Variants in KIAA1549L observed in about 807,000 individuals in gnomAD.
The protein encoded by KIAA1549L is KIAA1549 like, also known as UPF0606 protein KIAA1549L.
In KIAA1549L, 88 loss-of-function variants were observed where a neutral mutation model predicts 160.7. The ratio of observed to expected loss-of-function variants is 0.55; its 90% CI spans 0.46 to 0.65. The LOEUF (loss-of-function observed/expected upper bound fraction) is 0.65, where lower values mean the gene tolerates loss of function less well. Ranked by LOEUF, KIAA1549L falls within the 30% of genes least tolerant of loss-of-function variation. KIAA1549L has a pLI of 0.00. For missense variants in KIAA1549L, 2,258 were observed against 2,437.5 expected (o/e 0.93, Z 1.55); for synonymous variants, 950 against 976.7 (o/e 0.97, Z 0.51).
In KIAA1549L at chr11:33,542,710, C is replaced by T; in HGVS notation, c.1147C>T (p.Pro383Ser). The T allele has an allele frequency of 6.2e-7, 1 of 1,613,994 alleles. No individual in the cohort carries two copies. The highest frequency in any genetic ancestry group is 8.5e-7 in the Non-Finnish European group (1 of 1,179,882). The change falls in exon 2 of 21, where the codon CCT becomes TCT. Residue 383 changes from proline to serine, a missense_variant. Around this residue, in one of 6 missense-constraint regions of KIAA1549L, gnomAD observed 540 missense variants for 465.7 expected, o/e 1.16. Transcript: ENST00000658780. ...GTCAATGTTGGAAGTGGCTTCAGGT[C>T]CTGCATCCACCCAGCAGATCAAAGC... ...SWSMLEVASG[P>S]ASTQQIKAGV...
chr11:33,464,668 C>T (rs1426614163), intron 1 of KIAA1549L, among the ~76,000 whole-genome samples: 1 of 152,196 alleles, frequency 6.6e-6, no homozygotes, highest in Non-Finnish European at 1.5e-5. Flanking sequence ...ATTCCCTCTC[C>T]ATACCACAGC....
intron 1 of KIAA1549L, among the ~76,000 whole-genome samples, chr11:33,381,778 T>C (rs939677649): frequency 1.3e-5 from 2 of 151,856 alleles, no homozygotes; most frequent in Non-Finnish European, 2.9e-5. Context: ...TTAGAGAGGG[T>C]GGTAGCAGAA....
At chr11:33,383,222 C>T (rs909896032) in intron 1 of KIAA1549L, among the ~76,000 whole-genome samples, 2 of 151,668 alleles carry the variant, frequency 1.3e-5, no homozygotes, top group Non-Finnish European at 2.9e-5. Flanking sequence ...GTGCACACTT[C>T]CCTTTTTATT....
At chr11:33,435,838 G>A (rs12791283) in intron 1 of KIAA1549L, among the ~76,000 whole-genome samples, 498 of 35,426 alleles carry the variant, frequency 0.014, 33 homozygotes, top group South Asian at 0.025. Context: ...ATATGTATAT[G>A]TATATGTGTG....
chr11:33,558,262 A>C (rs1854714685), intron 6 of KIAA1549L, among the ~76,000 whole-genome samples: 1 of 152,190 alleles, frequency 6.6e-6, no homozygotes. Context: ...TGTAGAAAGA[A>C]GAGTGGGCAG....
chr11:33,527,062 A>T (rs1354725426), intron 1 of KIAA1549L, among the ~76,000 whole-genome samples: 1 of 152,230 alleles, frequency 6.6e-6, no homozygotes, highest in Non-Finnish European at 1.5e-5. Context: ...AGAACTTCAG[A>T]GGATGAAGAC....
At chr11:33,493,656 C>A (rs920188719) in intron 1 of KIAA1549L, among the ~76,000 whole-genome samples, 1 of 152,174 alleles carries the variant, frequency 6.6e-6, no homozygotes, top group Non-Finnish European at 1.5e-5. Context: ...GGAGAATTGT[C>A]ATTTTAGTTG....
At chr11:33,650,641 C>T (rs905043417) in intron 17 of KIAA1549L, among the ~76,000 whole-genome samples, 2 of 152,210 alleles carry the variant, frequency 1.3e-5, no homozygotes, top group Admixed American at 1.3e-4. Flanking sequence ...TCCTACTCAA[C>T]ACGCCGTCAC....
At chr11:33,384,102 A>G (rs1471486690) in intron 1 of KIAA1549L, among the ~76,000 whole-genome samples, 1 of 152,126 alleles carries the variant, frequency 6.6e-6, no homozygotes, top group Non-Finnish European at 1.5e-5. Context: ...GTCACCTCAA[A>G]AAGTTCCCTC....
At chr11:33,523,789 AAAT>A (rs1392857378) in intron 1 of KIAA1549L, among the ~76,000 whole-genome samples, 4 of 152,226 alleles carry the variant, frequency 2.6e-5, no homozygotes, top group Admixed American at 2.0e-4. Flanking sequence ...ATGTGTTATT[AAAT>A]AATTTATTAA....
intron 1 of KIAA1549L, among the ~76,000 whole-genome samples, chr11:33,448,691 T>G (rs576088932): frequency 4.6e-5 from 7 of 152,224 alleles, no homozygotes; most frequent in Non-Finnish European, 8.8e-5. Context: ...AGTGCTTTTC[T>G]GTGACCTCTG....
intron 20 of KIAA1549L, among the ~76,000 whole-genome samples, chr11:33,664,089 A>G (rs974970682): frequency 2.0e-5 from 3 of 152,206 alleles, no homozygotes; most frequent in Admixed American, 1.3e-4. Flanking sequence ...CAAATGAAAC[A>G]TATCAGTGCT....
At chr11:33,558,557 G>C (rs1854726791) in intron 6 of KIAA1549L, among the ~76,000 whole-genome samples, 1 of 152,136 alleles carries the variant, frequency 6.6e-6, no homozygotes, top group Non-Finnish European at 1.5e-5. Flanking sequence ...GAGAAGGGAA[G>C]GCACGCAGCA....
chr11:33,469,089 A>G (rs1852122118), intron 1 of KIAA1549L, among the ~76,000 whole-genome samples: 1 of 152,196 alleles, frequency 6.6e-6, no homozygotes, highest in South Asian at 2.1e-4. Context: ...TGTACAATTC[A>G]GTGGTTTTTA....
intron 1 of KIAA1549L, among the ~76,000 whole-genome samples, chr11:33,490,181 A>G (rs994126248): frequency 4.6e-5 from 7 of 152,154 alleles, no homozygotes; most frequent in African/African-American, 1.7e-4. Flanking sequence ...CCATTTTGCT[A>G]TTAATAGTAC....
Position 33,496,424 on chromosome 11 carries a change from G to A in KIAA1549L, c.239-45378G>A, listed in dbSNP as rs567060107. Among the ~76,000 whole-genome samples, 6 of 152,298 alleles carry A rather than the reference G, an allele frequency of 3.9e-5. No individual in the cohort carries two copies. In the South Asian group the frequency reaches 6.2e-4, roughly 16 times the overall value. ...CAGCAGCTGCTATTCATACAGTGCC[G>A]GCATCTCTTTTGCAATATGCTTGCT... On this transcript the variant is annotated intron_variant, in intron 1 of 20. Coordinates refer to ENST00000658780, the MANE Select transcript of KIAA1549L (RefSeq NM_012194.3).
intron 6 of KIAA1549L, among the ~76,000 whole-genome samples, chr11:33,556,962 C>T (rs765233966): frequency 6.6e-6 from 1 of 151,808 alleles, no homozygotes; most frequent in Non-Finnish European, 1.5e-5. Flanking sequence ...TGTAGGCTTC[C>T]TCGGGCTCCA....
chr11:33,663,376 C>T (rs1208611083), intron 20 of KIAA1549L, among the ~76,000 whole-genome samples: 1 of 152,136 alleles, frequency 6.6e-6, no homozygotes, highest in Non-Finnish European at 1.5e-5. Context: ...GTAGTATTTG[C>T]CAGCCCTGAA....
At chr11:33,549,463 A>G (rs1183327961) in intron 4 of KIAA1549L, among the ~76,000 whole-genome samples, 1 of 152,178 alleles carries the variant, frequency 6.6e-6, no homozygotes, top group Non-Finnish European at 1.5e-5. Flanking sequence ...GAAGGGTTGA[A>G]AGGGAACAAC....
Sources: allele counts gnomAD v4.1 joint callset (sites outside exome capture counted in the v4.1 genomes callset), GRCh38; gene constraint gnomAD v4.1.1; regional missense constraint gnomAD v4.1.1; transcripts MANE v1.5; gene names NCBI Gene and HGNC (gene_info 2026-07-23, HGNC 2026-07-21).